The following ADCY5 variants were observed in gnomAD, a reference collection of about 807,000 sequenced individuals.
ADCY5 encodes the protein adenylate cyclase 5.
ADCY5 carries 30 observed loss-of-function variants against 119.7 expected under a neutral mutation model. The ratio of observed to expected loss-of-function variants is 0.25; its 90% confidence interval spans 0.19 to 0.34. ADCY5 has a LOEUF of 0.34. ADCY5 is among the 10% of genes least tolerant of loss of function. The pLI, the probability that ADCY5 is intolerant of heterozygous loss-of-function variation, is 1.00. For missense variants in ADCY5, 1,324 were observed against 1,775.2 expected, an observed-to-expected ratio of 0.75 and a Z score of 4.57; for synonymous variants, 753 against 762.2, an observed-to-expected ratio of 0.99 and a Z score of 0.20.
chr3:123,348,036 A>AGTGTGT (rs59441110), intron 2 of ADCY5, 133 bp from the exon 3 acceptor site: 28,050 of 467,554 alleles, frequency 0.06, 1,126 homozygotes, highest in Non-Finnish European at 0.073. Flanking sequence ...CTGGGTTAAC[A>AGTGTGT]GTGTGTGTGT....
intron 1 of ADCY5, among the ~76,000 whole-genome samples, chr3:123,400,886 C>T (rs9827483): frequency 0.059 from 8,968 of 151,746 alleles, 604 homozygotes; most frequent in African/African-American, 0.16. Flanking sequence ...GGAGGTTGCA[C>T]TGAGCCGAGA....
chr3:123,310,592 T>A (rs577899220), intron 12 of ADCY5, among the ~76,000 whole-genome samples: 6 of 152,298 alleles, frequency 3.9e-5, no homozygotes, highest in African/African-American at 1.4e-4. Context: ...CGTGTGATGG[T>A]GAGCAGGGCT....
intron 17 of ADCY5, among the ~76,000 whole-genome samples, chr3:123,292,425 G>T (rs1422391956): frequency 1.3e-5 from 2 of 152,182 alleles, no homozygotes; most frequent in Non-Finnish European, 2.9e-5. Flanking sequence ...CCTAAGGTAA[G>T]TGGGCTCCTG....
At chr3:123,435,639 T>C (rs1039703758) in intron 1 of ADCY5, among the ~76,000 whole-genome samples, 1 of 151,956 alleles carries the variant, frequency 6.6e-6, no homozygotes, top group African/African-American at 2.4e-5. Context: ...TGCCACCTTA[T>C]AACAGCAGCT....
rs1173906415 is a variant in ADCY5 at position 123,371,176 on chromosome 3, G to A, written c.1135-18595C>T. 7.9e-5 allele frequency among the ~76,000 whole-genome samples: 12 copies of A among 152,164 alleles called. 1 individual carries two copies. Among genetic ancestry groups the A allele is most frequent in the Non-Finnish European group, 2.9e-5 (2 of 68,036 alleles). ...GAAGCATGCTGTGGGGAAAACGTGG[G>A]ATCTGGTTAGGACCTGGTATCAAAG... On this transcript the variant is annotated intron_variant, in intron 1 of 20. Transcript: ENST00000462833.
intron 1 of ADCY5, among the ~76,000 whole-genome samples, chr3:123,353,636 A>G (rs1372256408): frequency 6.6e-6 from 1 of 152,218 alleles, no homozygotes; most frequent in Non-Finnish European, 1.5e-5. Flanking sequence ...CTTAGCCCTC[A>G]GGAGGCCTGT....
chr3:123,305,324 A>C (rs1940141658), intron 12 of ADCY5, among the ~76,000 whole-genome samples: 1 of 152,226 alleles, frequency 6.6e-6, no homozygotes, highest in South Asian at 2.1e-4. Context: ...CAGCATCTGC[A>C]GTTGGCCACA....
chr3:123,448,664 C>T lies in ADCY5; in HGVS notation c.-119G>A. The T allele has an allele frequency of 1.0e-6, 1 of 953,040 alleles. No homozygotes were observed. Among genetic ancestry groups the T allele is most frequent in the Non-Finnish European group, 1.4e-6 (1 of 732,488 alleles). The allele number at this position is 953,040 out of a possible 1,614,324, so 59.0% of individuals were successfully genotyped here. A position where few individuals can be genotyped will look rare whatever the true frequency, so the allele number is the denominator to read the frequency against. ...GCTAGGGTCACACGTCGGGGGCGGC[C>T]CGGGGCCCTGCGCTGCAGCGGGGCA... On this transcript the variant is annotated 5_prime_UTR_variant, in exon 1 of 21. Coordinates refer to ENST00000462833, the MANE Select transcript of ADCY5 (RefSeq NM_183357.3).
At chr3:123,291,076 C>G in intron 18 of ADCY5, 37 bp downstream of exon 18, 1 of 1,583,036 alleles carries the variant, frequency 6.3e-7, no homozygotes, top group Non-Finnish European at 8.6e-7. Flanking sequence ...GTAGGCCCCT[C>G]CCAGGAACAC....
At chr3:123,417,267 C>T (rs1271241896) in intron 1 of ADCY5, among the ~76,000 whole-genome samples, 1 of 152,220 alleles carries the variant, frequency 6.6e-6, no homozygotes, top group African/African-American at 2.4e-5. Context: ...GGGCAGGAGG[C>T]ATGAAAAGGC....
intron 3 of ADCY5, among the ~76,000 whole-genome samples, chr3:123,345,765 G>GACACACACAC (rs1491192654): frequency 3.7e-4 from 50 of 135,436 alleles, no homozygotes; most frequent in African/African-American, 1.3e-3. Flanking sequence ...CAGACAGACA[G>GACACACACAC]ACAGACACAC....
intron 1 of ADCY5, among the ~76,000 whole-genome samples, chr3:123,431,901 G>A (rs1945530741): frequency 6.6e-6 from 1 of 152,168 alleles, no homozygotes; most frequent in Non-Finnish European, 1.5e-5. Flanking sequence ...CTCCGCTGAT[G>A]AGGGAGGCTC....
intron 1 of ADCY5, among the ~76,000 whole-genome samples, chr3:123,421,317 T>C (rs1166107641): frequency 6.6e-6 from 1 of 152,196 alleles, no homozygotes; most frequent in East Asian, 1.9e-4. Flanking sequence ...CACTTCCTAC[T>C]GAGAAAGCAG....
intron 1 of ADCY5, among the ~76,000 whole-genome samples, chr3:123,375,680 A>G (rs1943802617): frequency 6.6e-6 from 1 of 152,238 alleles, no homozygotes; most frequent in Non-Finnish European, 1.5e-5. Context: ...TCATTCTAAC[A>G]GCTTATTTCA....
chr3:123,309,171 G>A (rs529838855), intron 12 of ADCY5, among the ~76,000 whole-genome samples: 34 of 152,258 alleles, frequency 2.2e-4, no homozygotes, highest in South Asian at 6.2e-4. Flanking sequence ...AGACCTCCCC[G>A]GGCCCCTGTC....
At chr3:123,380,673 T>C (rs898986220) in intron 1 of ADCY5, among the ~76,000 whole-genome samples, 2 of 152,228 alleles carry the variant, frequency 1.3e-5, no homozygotes, top group East Asian at 1.9e-4. Context: ...CCATGGCTAG[T>C]ACCTGTCTGT....
At chr3:123,300,393 C>A in intron 14 of ADCY5, 98 bp from the exon 15 acceptor site, 1 of 1,338,610 alleles carries the variant, frequency 7.5e-7, no homozygotes, top group Non-Finnish European at 1.0e-6. Flanking sequence ...CAAGTGAGGC[C>A]TGGGCTGGGC....
At chr3:123,391,445 T>C (rs1944398620) in intron 1 of ADCY5, among the ~76,000 whole-genome samples, 1 of 152,028 alleles carries the variant, frequency 6.6e-6, no homozygotes, top group African/African-American at 2.4e-5. Flanking sequence ...TATAAATTAC[T>C]ATTATGACTT....
intron 1 of ADCY5, among the ~76,000 whole-genome samples, chr3:123,438,245 G>C (rs186229350): frequency 2.0e-5 from 3 of 152,144 alleles, no homozygotes; most frequent in Admixed American, 6.5e-5. Context: ...AAAAGGCTTC[G>C]TGCCATAACC....
Sources: gnomAD v4.1 joint callset for allele counts (sites outside exome capture counted in the v4.1 genomes callset) on GRCh38, gnomAD v4.1.1 for gene constraint, MANE v1.5 for transcripts, NCBI Gene and HGNC (gene_info 2026-07-23, HGNC 2026-07-21) for gene names.